Variants in NAV3 observed in about 807,000 individuals in gnomAD.
The protein encoded by NAV3 is neuron navigator 3, also known as pore membrane and/or filament interacting like protein 1.
In NAV3, 87 loss-of-function variants were observed where a neutral mutation model predicts 244.7. The ratio of observed to expected loss-of-function variants is 0.36; its 90% CI spans 0.30 to 0.42. The LOEUF (loss-of-function observed/expected upper bound fraction) is 0.42. NAV3 is among the 20% of genes least tolerant of loss of function. The pLI, the probability that NAV3 is intolerant of heterozygous loss-of-function variation, is 1.00. For missense variants in NAV3, 2,663 were observed against 2,893.3 expected (o/e 0.92, Z 1.83); for synonymous variants, 1,126 against 1,042.2 (o/e 1.08, Z -1.55).
At chr12:77,788,266 T>C (rs1377817673) in intron 2 of NAV3, among the ~76,000 whole-genome samples, 1 of 152,210 alleles carries the variant, frequency 6.6e-6, no homozygotes, top group Non-Finnish European at 1.5e-5. Context: ...AGAATGATGT[T>C]GAGATGTTTA....
chr12:77,999,589 A>G (rs1191427616), intron 7 of NAV3, among the ~76,000 whole-genome samples: 1 of 152,236 alleles, frequency 6.6e-6, no homozygotes, highest in African/African-American at 2.4e-5. Flanking sequence ...GACTTTAAAC[A>G]CCTGAGAGCA....
At chr12:78,177,800 C>A (rs1166836121) in intron 28 of NAV3, 115 bp downstream of exon 28, 3 of 898,652 alleles carry the variant, frequency 3.3e-6, no homozygotes, top group Non-Finnish European at 4.9e-6. Flanking sequence ...AATACCTTCT[C>A]TTTCTGTTTT....
chr12:77,751,925 T>C (rs1868876768), intron 2 of NAV3, among the ~76,000 whole-genome samples: 1 of 152,218 alleles, frequency 6.6e-6, no homozygotes, highest in African/African-American at 2.4e-5. Context: ...ATTAGATGTC[T>C]TCAGGGAGAT....
intron 22 of NAV3, among the ~76,000 whole-genome samples, chr12:78,150,541 A>C (rs1436984602): frequency 6.7e-6 from 1 of 149,876 alleles, no homozygotes; most frequent in African/African-American, 2.5e-5. Flanking sequence ...ATTCTTACTC[A>C]TGATTATTGG....
At chr12:77,663,066 G>T (rs563392114) in intron 2 of NAV3, among the ~76,000 whole-genome samples, 1 of 152,206 alleles carries the variant, frequency 6.6e-6, no homozygotes, top group South Asian at 2.1e-4. Flanking sequence ...CTTAAATGTT[G>T]TAAATTACAG....
intron 20 of NAV3, among the ~76,000 whole-genome samples, chr12:78,144,007 C>A (rs1363417528): frequency 6.6e-6 from 1 of 151,998 alleles, no homozygotes; most frequent in Non-Finnish European, 1.5e-5. Flanking sequence ...TGAAAGACAG[C>A]CAAGGAAGAT....
At chr12:77,896,136 C>G (rs1206219935) in intron 1 of NAV3, among the ~76,000 whole-genome samples, 1 of 152,098 alleles carries the variant, frequency 6.6e-6, no homozygotes, top group East Asian at 1.9e-4. Flanking sequence ...TTTCAAGAGA[C>G]AGATCGCTAC....
intron 9 of NAV3, chr12:78,037,113 A>C (rs1311199976): frequency 1.4e-6 from 1 of 702,928 alleles, no homozygotes; most frequent in East Asian, 2.7e-5. Context: ...TCACACCAGC[A>C]GCTCAGCCTG....
chr12:77,978,132 T>G (rs1017985847), intron 5 of NAV3, among the ~76,000 whole-genome samples: 1 of 152,204 alleles, frequency 6.6e-6, no homozygotes, highest in African/African-American at 2.4e-5. Flanking sequence ...GTCTTTTATC[T>G]TTCCAAAAGA....
intron 12 of NAV3, among the ~76,000 whole-genome samples, chr12:78,108,712 G>A (rs1954933187): frequency 6.6e-6 from 1 of 151,966 alleles, no homozygotes; most frequent in South Asian, 2.1e-4. Flanking sequence ...GTTGATCACT[G>A]GGACAATAAG....
chr12:78,078,248 C>T (rs1422471941), intron 12 of NAV3, among the ~76,000 whole-genome samples: 1 of 152,086 alleles, frequency 6.6e-6, no homozygotes, highest in African/African-American at 2.4e-5. Flanking sequence ...GTTAGGGTTT[C>T]AACAACCAAA....
At chr12:77,711,346 G>A (rs963896864) in intron 2 of NAV3, among the ~76,000 whole-genome samples, 1 of 152,192 alleles carries the variant, frequency 6.6e-6, no homozygotes, top group Non-Finnish European at 1.5e-5. Context: ...TGCTGTCTGT[G>A]CATCTCTAGT....
intron 1 of NAV3, among the ~76,000 whole-genome samples, chr12:77,919,016 A>C (rs550225568): frequency 1.3e-5 from 2 of 152,220 alleles, no homozygotes; most frequent in African/African-American, 4.8e-5. Context: ...TATTTCATTC[A>C]AACAAGGAAA....
At chr12:77,834,860 G>T (rs1418906900) in intron 1 of NAV3, among the ~76,000 whole-genome samples, 2 of 127,044 alleles carry the variant, frequency 1.6e-5, no homozygotes, top group African/African-American at 3.1e-5. Flanking sequence ...AGAAGTATAT[G>T]TAGAGTTATT....
chr12:78,182,171 A>G (rs1485692707), intron 30 of NAV3, among the ~76,000 whole-genome samples: 1 of 152,074 alleles, frequency 6.6e-6, no homozygotes, highest in Non-Finnish European at 1.5e-5. Context: ...ATTAGGTAAA[A>G]TAAGACTGTG....
intron 9 of NAV3, among the ~76,000 whole-genome samples, chr12:78,031,020 A>T (rs574517812): frequency 6.6e-6 from 1 of 152,152 alleles, no homozygotes; most frequent in Non-Finnish European, 1.5e-5. Flanking sequence ...TTTATTGCTC[A>T]TGGTTGCTGT....
In NAV3 at chr12:78,050,925, G is replaced by A. The variant is rs751080496; in HGVS notation, c.2294G>A (p.Arg765His). 9.3e-6 allele frequency: 15 copies of A among 1,613,846 alleles called. No individual in the cohort carries two copies. Among genetic ancestry groups the A allele is most frequent in the African/African-American group, 2.7e-5 (2 of 74,886 alleles). The part of the protein sequence containing the change: ...DAPSLGAGYP[R>H]SGTSRFIHTD... ...CCCTCCCTGGGTGCTGGCTATCCTC[G>A]CAGTGGTACCAGTCGATTCATCCAC... The change falls in exon 11 of 40, where the codon CGC becomes CAC. Residue 765 changes from arginine to histidine, a missense_variant. Around this residue, in one of 6 missense-constraint regions of NAV3, gnomAD observed 1,521 missense variants for 1,497.0 expected, o/e 1.02. Transcript: ENST00000397909.
At chr12:78,051,267 T>A in intron 11 of NAV3, 120 bp downstream of exon 11, 2 of 1,148,088 alleles carry the variant, frequency 1.7e-6, no homozygotes, top group Non-Finnish European at 2.4e-6. Context: ...ATGAGATATC[T>A]GAGGTTATTC....
At chr12:77,865,522 C>A (rs1565869762) in intron 1 of NAV3, among the ~76,000 whole-genome samples, 2 of 151,888 alleles carry the variant, frequency 1.3e-5, no homozygotes, top group Non-Finnish European at 1.5e-5. Flanking sequence ...TAATGTTTAA[C>A]CCCTTTGAAA....
Sources: allele counts gnomAD v4.1 joint callset (sites outside exome capture counted in the v4.1 genomes callset), GRCh38; gene constraint gnomAD v4.1.1; regional missense constraint gnomAD v4.1.1; transcripts MANE v1.5; gene names NCBI Gene and HGNC (gene_info 2026-07-23, HGNC 2026-07-21).